Variants in SPATA17 observed in about 807,000 individuals in gnomAD.
SPATA17 encodes the protein spermatogenesis-associated protein 17.
SPATA17 carries 53 observed loss-of-function variants against 62.2 expected under a neutral mutation model. That is an observed-to-expected ratio of 0.85 (90% CI 0.68 to 1.07). SPATA17 has a LOEUF of 1.07. SPATA17 is among the 50% of genes least tolerant of loss of function. SPATA17 has a pLI of 0.00. For synonymous variants in SPATA17, 146 were observed against 146.8 expected (o/e 0.99, Z 0.04); for missense variants, 466 against 425.5 (o/e 1.10, Z -0.84).
At chr1:217,757,675 G>A (rs1193527806) in intron 6 of SPATA17, among the ~76,000 whole-genome samples, 2 of 152,168 alleles carry the variant, frequency 1.3e-5, no homozygotes, top group Admixed American at 1.3e-4. Context: ...TTTTAGAATG[G>A]TAGAAGCTTG....
intron 8 of SPATA17, among the ~76,000 whole-genome samples, chr1:217,787,221 A>T (rs4639828): frequency 0.24 from 36,972 of 151,940 alleles, 4,885 homozygotes; most frequent in East Asian, 0.52. Flanking sequence ...AAATCCCTTC[A>T]ACCTGGTCTA....
At chr1:217,748,681 T>C (rs1571778049) in intron 6 of SPATA17, among the ~76,000 whole-genome samples, 1 of 150,556 alleles carries the variant, frequency 6.6e-6, no homozygotes. Flanking sequence ...GAGGCAGAGG[T>C]TGCAGTGAGC....
At chr1:217,676,937 C>T (rs533928414) in intron 4 of SPATA17, among the ~76,000 whole-genome samples, 1 of 152,020 alleles carries the variant, frequency 6.6e-6, no homozygotes, top group East Asian at 1.9e-4. Context: ...CCCTGAAATC[C>T]CCATACCTGT....
chr1:217,668,958 C>A (rs544714435), intron 3 of SPATA17, 75 bp from the exon 4 acceptor site: 3 of 1,261,158 alleles, frequency 2.4e-6, no homozygotes, highest in African/African-American at 1.5e-5. Context: ...AGATTCTTAT[C>A]TTTTATATGT....
At chr1:217,786,112 T>C (rs61825815) in intron 8 of SPATA17, among the ~76,000 whole-genome samples, 4,767 of 152,264 alleles carry the variant, frequency 0.031, 107 homozygotes, top group Middle Eastern at 0.058. Context: ...GATGTTTACA[T>C]GTCAGGAATA....
intron 10 of SPATA17, 33 bp downstream of exon 10, chr1:217,862,889 G>A (rs993575931): frequency 3.5e-6 from 5 of 1,433,868 alleles, no homozygotes; most frequent in East Asian, 4.6e-5. Flanking sequence ...AATTCAAAAA[G>A]TATATTAAAT....
At chr1:217,764,054 A>G (rs1243603190) in intron 6 of SPATA17, among the ~76,000 whole-genome samples, 2 of 152,178 alleles carry the variant, frequency 1.3e-5, no homozygotes, top group Non-Finnish European at 2.9e-5. Context: ...TAAATGGTGC[A>G]TTTATTACTA....
At chr1:217,642,755 C>G (rs568772665) in intron 1 of SPATA17, among the ~76,000 whole-genome samples, 1 of 152,196 alleles carries the variant, frequency 6.6e-6, no homozygotes, top group Non-Finnish European at 1.5e-5. Context: ...TGTGCTTCTT[C>G]TTCCACCATG....
intron 3 of SPATA17, among the ~76,000 whole-genome samples, chr1:217,658,225 C>A (rs2102888891): frequency 6.6e-6 from 1 of 152,158 alleles, no homozygotes; most frequent in South Asian, 2.1e-4. Flanking sequence ...GGGGAGGATC[C>A]CTCATGAAAG....
intron 8 of SPATA17, among the ~76,000 whole-genome samples, chr1:217,787,009 A>T (rs1673888347): frequency 1.3e-5 from 2 of 152,036 alleles, no homozygotes. Context: ...TCTTTTCTTG[A>T]GTGTGAATTG....
At chr1:217,773,056 G>A (rs961093088) in intron 6 of SPATA17, among the ~76,000 whole-genome samples, 5 of 151,992 alleles carry the variant, frequency 3.3e-5, no homozygotes, top group Non-Finnish European at 5.9e-5. Context: ...GGGATAGGAC[G>A]TTGCATTTGG....
chr1:217,647,685 TATG>T (rs2102881479), intron 1 of SPATA17, among the ~76,000 whole-genome samples: 1 of 152,240 alleles, frequency 6.6e-6, no homozygotes, highest in East Asian at 1.9e-4. Context: ...AGGACAATAA[TATG>T]ATGCCAGAAT....
rs916917672 is a variant in SPATA17, at chr1:217,670,815, G to A, written c.291+1732G>A. 3.9e-5 allele frequency among the ~76,000 whole-genome samples: 6 copies of A among 152,058 alleles called. No homozygotes were observed. In the South Asian group the frequency reaches 1.2e-3, roughly 32 times the overall value. On this transcript the variant is annotated intron_variant, in intron 4 of 10. Coordinates refer to ENST00000366933, the MANE Select transcript of SPATA17 (RefSeq NM_138796.4). ...AAAATACAAAAATTAGCCGGGCATG[G>A]TCATGGGCACCTGTAGTCTCAGCTA...
intron 9 of SPATA17, among the ~76,000 whole-genome samples, chr1:217,809,716 G>C (rs573677283): frequency 6.6e-6 from 1 of 152,184 alleles, no homozygotes; most frequent in East Asian, 1.9e-4. Context: ...CCTCCCACTA[G>C]GTCCCACCTC....
chr1:217,796,354 C>A (rs1347658195), intron 8 of SPATA17, among the ~76,000 whole-genome samples: 1 of 151,730 alleles, frequency 6.6e-6, no homozygotes, highest in Non-Finnish European at 1.5e-5. Context: ...ATTACTGAGC[C>A]AAGGTGATTT....
intron 9 of SPATA17, among the ~76,000 whole-genome samples, chr1:217,823,901 C>G (rs1305201305): frequency 6.6e-6 from 1 of 151,896 alleles, no homozygotes; most frequent in Non-Finnish European, 1.5e-5. Context: ...ACTATTTTAT[C>G]TGATACAAGT....
intron 6 of SPATA17, among the ~76,000 whole-genome samples, chr1:217,747,208 A>G (rs1214234745): frequency 1.3e-5 from 2 of 152,110 alleles, no homozygotes; most frequent in African/African-American, 4.8e-5. Flanking sequence ...TAATAAAGTT[A>G]TTTATTTTGA....
chr1:217,641,677 A>G (rs1039869787), intron 1 of SPATA17, among the ~76,000 whole-genome samples: 51 of 152,280 alleles, frequency 3.3e-4, no homozygotes, highest in African/African-American at 1.2e-3. Context: ...CAGAGAAATA[A>G]CAAGTATAAT....
At chr1:217,762,222 T>A (rs949074389) in intron 6 of SPATA17, among the ~76,000 whole-genome samples, 3 of 152,206 alleles carry the variant, frequency 2.0e-5, no homozygotes, top group African/African-American at 7.2e-5. Flanking sequence ...CTTTAGCTAT[T>A]TTTATTTAGA....
Sources: gnomAD v4.1 joint callset for allele counts (sites outside exome capture counted in the v4.1 genomes callset) on GRCh38, gnomAD v4.1.1 for gene constraint, MANE v1.5 for transcripts, NCBI Gene and HGNC (gene_info 2026-07-23, HGNC 2026-07-21) for gene names.